Variants in RAI1 observed in about 807,000 individuals in gnomAD.
RAI1 encodes retinoic acid-induced protein 1.
RAI1 carries 9 observed loss-of-function variants against 123.8 expected under a neutral mutation model. The ratio of observed to expected loss-of-function variants is 0.07; its 90% CI spans 0.04 to 0.13. RAI1 has a LOEUF of 0.13. Among genes scored for constraint, RAI1 ranks in the 10% least tolerant of loss-of-function variants. The probability of loss-of-function intolerance (pLI) is 1.00; values close to 1 mark genes in which losing one functional copy is unlikely to be tolerated. For synonymous variants in RAI1, 1,231 were observed against 1,127.3 expected (o/e 1.09, Z -1.84); for missense variants, 2,256 against 2,545.8 (o/e 0.89, Z 2.45).
chr17:17,803,032 G>A lies in RAI1; in HGVS notation c.5566-724G>A, dbSNP rs529774512. Among the ~76,000 whole-genome samples the A allele has an allele frequency of 1.1e-4, 17 of 150,694 alleles. No individual in the cohort carries two copies. The East Asian group carries it at 2.1e-3, about 19-fold the overall frequency. ...ACAGGAGGCAGCGGTTGCCGTGAGCGGAGATCACACCATTGCACTCCAGCC... is the reference window on the plus strand; with the variant it reads ...ACAGGAGGCAGCGGTTGCCGTGAGCAGAGATCACACCATTGCACTCCAGCC... On this transcript the variant is annotated intron_variant, in intron 3 of 5. Coordinates refer to ENST00000353383, the MANE Select transcript of RAI1 (RefSeq NM_030665.4).
At chr17:17,757,619 C>T (rs895243870) in intron 2 of RAI1, among the ~76,000 whole-genome samples, 1 of 151,932 alleles carries the variant, frequency 6.6e-6, no homozygotes, top group Admixed American at 6.5e-5. Flanking sequence ...TTTTTTTTTC[C>T]CACAACTCAA....
chr17:17,798,313 C>A lies in RAI1; in HGVS notation c.5365C>A (p.Arg1789=). The A allele has an allele frequency of 6.3e-7, 1 of 1,596,196 alleles. No individual in the cohort carries two copies. The highest frequency in any genetic ancestry group is 8.5e-7 in the Non-Finnish European group (1 of 1,170,832). The change falls in exon 3 of 6, where the codon CGG becomes AGG. Residue 1789 remains arginine (R), a synonymous_variant. Coordinates refer to ENST00000353383, the MANE Select transcript of RAI1 (RefSeq NM_030665.4). ...GCAGAGCTGCTACTGCTGTGATGGC[C>A]GGGAGGATGGGGGCGAGGAGGCAGC... is the stretch of plus-strand genomic sequence containing the variant. The part of the protein sequence containing the change: ...RLQSCYCCDG[R]EDGGEEAAPA...
chr17:17,769,125 TAGAA>T (rs138122798), intron 2 of RAI1, among the ~76,000 whole-genome samples: 3,987 of 152,226 alleles, frequency 0.026, 70 homozygotes, highest in Non-Finnish European at 0.039. Context: ...GAAAGGAAAT[TAGAA>T]AGAAGAAATG....
intron 4 of RAI1, among the ~76,000 whole-genome samples, chr17:17,807,825 C>T (rs959190708): frequency 6.6e-6 from 1 of 152,228 alleles, no homozygotes; most frequent in African/African-American, 2.4e-5. Flanking sequence ...CCACATCTGG[C>T]TTGCCTGAGC....
At chr17:17,688,655 G>A (rs1914729007) in intron 1 of RAI1, among the ~76,000 whole-genome samples, 2 of 152,122 alleles carry the variant, frequency 1.3e-5, no homozygotes, top group Non-Finnish European at 2.9e-5. Flanking sequence ...GAGTTCAGTG[G>A]TGCGATCCCG....
At chr17:17,788,361 C>G (rs1265512782) in intron 2 of RAI1, among the ~76,000 whole-genome samples, 1 of 152,188 alleles carries the variant, frequency 6.6e-6, no homozygotes, top group Non-Finnish European at 1.5e-5. Context: ...CCCATTCAAG[C>G]CAGGCCCCTA....
chr17:17,779,592 G>A (rs576723651), intron 2 of RAI1: 2 of 152,392 alleles, frequency 1.3e-5, no homozygotes, highest in African/African-American at 4.8e-5. Flanking sequence ...CATAGGGTTT[G>A]TATTTGGTCT....
At chr17:17,808,148 A>G (rs1481870266) in intron 4 of RAI1, among the ~76,000 whole-genome samples, 1 of 151,702 alleles carries the variant, frequency 6.6e-6, no homozygotes, top group East Asian at 1.9e-4. Context: ...GGGGGAGGGG[A>G]GCCGAGAAGG....
At chr17:17,697,121 A>G (rs1030065955) in intron 1 of RAI1, among the ~76,000 whole-genome samples, 1 of 152,190 alleles carries the variant, frequency 6.6e-6, no homozygotes, top group African/African-American at 2.4e-5. Context: ...AGAACGGTTC[A>G]ATTCTAACAC....
rs1567941767 is a variant in RAI1 at position 17,809,752 on chromosome 17, G to GAA, written c.5710-218_5710-217insAA. Among the ~76,000 whole-genome samples, 1 of 152,176 alleles carries GAA rather than the reference G, an allele frequency of 6.6e-6. No individual in the cohort carries two copies. The highest frequency in any genetic ancestry group is 1.5e-5 in the Non-Finnish European group (1 of 68,006). ...AGGTGACAGAGTGGGGCAGGCGGGG[G>GAA]CGCGGGACGGTGGCACGGAGCTGAA... On this transcript the variant is annotated intron_variant, in intron 5 of 5. Transcript: ENST00000353383. The surrounding 1 kb of genome is among the most constrained non-coding windows in gnomAD (Gnocchi z 4.9).
At chr17:17,707,247 C>A (rs180744386) in intron 1 of RAI1, among the ~76,000 whole-genome samples, 40 of 152,114 alleles carry the variant, frequency 2.6e-4, no homozygotes, top group Non-Finnish European at 4.4e-5. Context: ...GAGTTTGAAT[C>A]CAGCCTGGGT....
intron 2 of RAI1, among the ~76,000 whole-genome samples, chr17:17,735,168 TCAGCCTCCCAAGTAGCTGGGATTA>T (rs1252883160): frequency 1.3e-5 from 2 of 152,010 alleles, no homozygotes; most frequent in African/African-American, 4.8e-5. Context: ...TTGTCCTGCC[TCAGCCTCCCAAGTAGCTGGGATTA>T]CAGGCTCCCA....
chr17:17,806,917 C>T (rs2032605064), intron 4 of RAI1, among the ~76,000 whole-genome samples: 2 of 151,856 alleles, frequency 1.3e-5, no homozygotes, highest in Admixed American at 6.6e-5. Flanking sequence ...GACTGGGCTG[C>T]TCTGCCAGGC....
intron 1 of RAI1, among the ~76,000 whole-genome samples, chr17:17,723,666 G>T (rs1357327742): frequency 8.0e-6 from 1 of 124,742 alleles, no homozygotes; most frequent in Non-Finnish European, 1.7e-5. Context: ...CTCATCTCTC[G>T]CCCCCCCGCC....
At position 17,796,221 on chromosome 17, in the gene RAI1, C is replaced by A; in HGVS notation, c.3273C>A (p.Ala1091=). 1 of 1,564,802 alleles carries A rather than the reference C, an allele frequency of 6.4e-7. No homozygotes were observed. ...PDKLGGKQRA[A]FKSGKRVGKP... ...AACTGGGGGGCAAGCAGCGAGCCGCCTTCAAGTCGGGCAAGCGGGTGGGGA... is the reference window on the plus strand; with the variant it reads ...AACTGGGGGGCAAGCAGCGAGCCGCATTCAAGTCGGGCAAGCGGGTGGGGA... Residue 1091 remains alanine, a synonymous_variant, in exon 3 of 6, where the codon GCC becomes GCA. Transcript: ENST00000353383. This position sits in a 1 kb window ranked among gnomAD's most constrained non-coding sequence, Gnocchi z 5.8.
chr17:17,738,639 G>T (rs1458213922), intron 2 of RAI1, among the ~76,000 whole-genome samples: 1 of 152,212 alleles, frequency 6.6e-6, no homozygotes, highest in East Asian at 1.9e-4. Context: ...GTGGCTCTGA[G>T]GTGCTGGGGT....
intron 2 of RAI1, among the ~76,000 whole-genome samples, chr17:17,749,841 C>A (rs1386950896): frequency 6.6e-6 from 1 of 152,228 alleles, no homozygotes; most frequent in African/African-American, 2.4e-5. Context: ...CAGCATAGGG[C>A]ATGTAGCTCC....
In RAI1 at chr17:17,761,995, C is replaced by T. The variant is rs2350963; in HGVS notation, c.-16-30938C>T. Among the ~76,000 whole-genome samples, 300 of 152,180 alleles carry T rather than the reference C, an allele frequency of 2.0e-3. 1 individual carries two copies. The highest frequency in any genetic ancestry group is 7.0e-3 in the African/African-American group (291 of 41,506). On this transcript the variant is annotated intron_variant, in intron 2 of 5. Coordinates refer to ENST00000353383, the MANE Select transcript of RAI1 (RefSeq NM_030665.4). Reference sequence around the variant, plus strand: ...TGAACCAGAAGTTCCTGAGTGTGAGCGCGGCCCAGAAACAGCCACAGGCCT... The same window carrying T: ...TGAACCAGAAGTTCCTGAGTGTGAGTGCGGCCCAGAAACAGCCACAGGCCT...
chr17:17,770,336 G>A (rs2031104220), intron 2 of RAI1, among the ~76,000 whole-genome samples: 2 of 152,242 alleles, frequency 1.3e-5, no homozygotes, highest in South Asian at 4.1e-4. Flanking sequence ...TAAAACCAGA[G>A]AATTATGGGG....
Sources: allele counts gnomAD v4.1 joint callset (sites outside exome capture counted in the v4.1 genomes callset), GRCh38; gene constraint gnomAD v4.1.1; non-coding constraint Gnocchi (gnomAD v3.1); transcripts MANE v1.5; gene names NCBI Gene and HGNC (gene_info 2026-07-23, HGNC 2026-07-21).